STK33: variants seen among roughly 807,000 people sequenced by gnomAD.
The protein encoded by STK33 is serine/threonine-protein kinase 33.
Under a neutral mutation model 58.0 loss-of-function variants are expected in STK33, and 52 were observed. The observed-to-expected ratio is 0.90, with a 90% confidence interval of 0.72 to 1.13. STK33 has a LOEUF of 1.13. Among genes scored for constraint, STK33 ranks in the 50% most tolerant of loss-of-function variants. The pLI is 0.00. For synonymous variants in STK33, 215 were observed against 200.1 expected (o/e 1.07, Z -0.63); for missense variants, 630 against 604.2 (o/e 1.04, Z -0.45).
chr11:8,504,426 C>G (rs1357556884), intron 1 of STK33, among the ~76,000 whole-genome samples: 2 of 152,116 alleles, frequency 1.3e-5, no homozygotes, highest in Non-Finnish European at 2.9e-5. Flanking sequence ...CCTGTATCAA[C>G]TTGCAAGAGC....
At chr11:8,489,754 T>C (rs1468261852) in intron 1 of STK33, among the ~76,000 whole-genome samples, 1 of 152,232 alleles carries the variant, frequency 6.6e-6, no homozygotes, top group Admixed American at 6.5e-5. Flanking sequence ...ACCTTAGTGA[T>C]ACATAAATTA....
intron 1 of STK33, among the ~76,000 whole-genome samples, chr11:8,549,901 T>G (rs1460942703): frequency 6.6e-6 from 1 of 152,206 alleles, no homozygotes; most frequent in Non-Finnish European, 1.5e-5. Context: ...TTGATTTTCA[T>G]ATTTAAAAAA....
intron 4 of STK33, chr11:8,475,950 A>G (rs1395490390): frequency 6.6e-6 from 1 of 152,228 alleles, no homozygotes; most frequent in African/African-American, 2.4e-5. Flanking sequence ...ACTTGACTAG[A>G]ATAGGAAATT....
chr11:8,495,273 A>G (rs111251125), intron 1 of STK33, among the ~76,000 whole-genome samples: 111 of 152,340 alleles, frequency 7.3e-4, no homozygotes, highest in African/African-American at 2.6e-3. Flanking sequence ...AACCCCATCA[A>G]AAAGTGGGCA....
chr11:8,413,604 G>A lies in STK33; in HGVS notation c.1235C>T (p.Thr412Ile). 6.2e-7 allele frequency: 1 copy of A among 1,613,826 alleles called. No homozygotes were observed. The highest frequency in any genetic ancestry group is 8.5e-7 in the Non-Finnish European group (1 of 1,179,922). The change falls in exon 15 of 16, where the codon ACA becomes ATA. Residue 412 changes from threonine to isoleucine, a missense_variant. Thr to Ile is a moderately conservative substitution (Grantham distance 89). Coordinates refer to ENST00000687296, the MANE Select transcript of STK33 (RefSeq NM_001352389.2). ...GGACGGCTTATTCTTCTCTTCTGTTGTGTTTTCCTCAACACTTTCTGGGTT... is the reference window on the plus strand; with the variant it reads ...GGACGGCTTATTCTTCTCTTCTGTTATGTTTTCCTCAACACTTTCTGGGTT... ...KNNPESVEENTTEEKNKPSTE... is the reference protein window; with the variant it reads ...KNNPESVEENITEEKNKPSTE...
At chr11:8,472,782 T>A (rs1482850026) in intron 6 of STK33, among the ~76,000 whole-genome samples, 1 of 152,194 alleles carries the variant, frequency 6.6e-6, no homozygotes, top group African/African-American at 2.4e-5. Context: ...GAGGAGCTCA[T>A]GAGGGAGATT....
intron 1 of STK33, among the ~76,000 whole-genome samples, chr11:8,536,482 G>A (rs1955011486): frequency 1.3e-5 from 2 of 152,078 alleles, no homozygotes; most frequent in East Asian, 1.9e-4. Flanking sequence ...GAAGGAACAG[G>A]CTGATACCAC....
intron 1 of STK33, among the ~76,000 whole-genome samples, chr11:8,526,828 C>CA (rs35493333): frequency 0.6 from 78,821 of 131,810 alleles, 22,505 homozygotes; most frequent in Non-Finnish European, 0.63. Context: ...TGATACTGAG[C>CA]AAAAAAAAAA....
At chr11:8,396,090 C>A (rs1296093467) in intron 15 of STK33, among the ~76,000 whole-genome samples, 3 of 152,100 alleles carry the variant, frequency 2.0e-5, no homozygotes, top group African/African-American at 7.2e-5. Flanking sequence ...ATCTACTTAC[C>A]TTTCTTTATG....
At chr11:8,559,713 GCT>G (rs1292489567) in intron 1 of STK33, among the ~76,000 whole-genome samples, 1 of 152,018 alleles carries the variant, frequency 6.6e-6, no homozygotes, top group African/African-American at 2.4e-5. Context: ...GAAAATAATT[GCT>G]GTAATAAAAA....
At chr11:8,440,123 G>T (rs1268936776) in intron 12 of STK33, among the ~76,000 whole-genome samples, 1 of 151,906 alleles carries the variant, frequency 6.6e-6, no homozygotes, top group Non-Finnish European at 1.5e-5. Flanking sequence ...GGAAAAATGA[G>T]CAGGACATGG....
chr11:8,582,405 T>G (rs2030527660), intron 1 of STK33, among the ~76,000 whole-genome samples: 3 of 152,222 alleles, frequency 2.0e-5, no homozygotes, highest in Non-Finnish European at 4.4e-5. Flanking sequence ...GGGGTTTAAT[T>G]GACTCACAGT....
intron 1 of STK33, among the ~76,000 whole-genome samples, chr11:8,558,865 T>G (rs1387580408): frequency 1.3e-5 from 2 of 152,168 alleles, no homozygotes; most frequent in Admixed American, 1.3e-4. Context: ...TCAAAACAAG[T>G]GTTAATATAG....
chr11:8,585,706 T>G (rs889442200), intron 1 of STK33, among the ~76,000 whole-genome samples: 1 of 151,110 alleles, frequency 6.6e-6, no homozygotes, highest in Non-Finnish European at 1.5e-5. Flanking sequence ...GCCCAGGAGT[T>G]CAAGACCAGC....
intron 14 of STK33, among the ~76,000 whole-genome samples, chr11:8,418,372 A>C (rs1330485861): frequency 5.3e-5 from 8 of 152,158 alleles, no homozygotes; most frequent in Admixed American, 5.2e-4. Context: ...TAGTTTGCTA[A>C]AGATAACAGC....
the STK33 span, among the ~76,000 whole-genome samples, chr11:8,384,033 C>A: frequency 6.6e-6 from 1 of 152,306 alleles, no homozygotes; most frequent in Non-Finnish European, 1.5e-5. Context: ...TTCATACGAT[C>A]AGCTAGATGT....
At chr11:8,488,732 C>T (rs1950360627) in intron 1 of STK33, among the ~76,000 whole-genome samples, 1 of 151,994 alleles carries the variant, frequency 6.6e-6, no homozygotes, top group African/African-American at 2.4e-5. Flanking sequence ...ACAAAACACC[C>T]TGGGGAGGGG....
chr11:8,453,685 C>A (rs1279218789), intron 10 of STK33, among the ~76,000 whole-genome samples: 4 of 152,210 alleles, frequency 2.6e-5, no homozygotes, highest in Non-Finnish European at 5.9e-5. Flanking sequence ...GGCAGAAAAA[C>A]AGACACATTT....
chr11:8,401,153 A>G (rs529993737), intron 15 of STK33, among the ~76,000 whole-genome samples: 2 of 152,200 alleles, frequency 1.3e-5, no homozygotes, highest in African/African-American at 2.4e-5. Context: ...AAGAGCCCAC[A>G]TTGCCAAGTC....
Sources: gnomAD v4.1 joint callset for allele counts (sites outside exome capture counted in the v4.1 genomes callset) on GRCh38, gnomAD v4.1.1 for gene constraint, MANE v1.5 for transcripts, NCBI Gene and HGNC (gene_info 2026-07-23, HGNC 2026-07-21) for gene names.